Variants in TMEM40 observed in about 807,000 individuals in gnomAD.
TMEM40 encodes transmembrane protein 40.
TMEM40 carries 34 observed loss-of-function variants against 40.8 expected under a neutral mutation model. The observed-to-expected ratio is 0.83, with a 90% CI of 0.63 to 1.11. The LOEUF (loss-of-function observed/expected upper bound fraction) is 1.11. Ranked by LOEUF, TMEM40 falls within the 50% of genes least tolerant of loss-of-function variation. The pLI, the probability that TMEM40 is intolerant of heterozygous loss-of-function variation, is 0.00. For synonymous variants in TMEM40, 106 were observed against 107.0 expected, an observed-to-expected ratio of 0.99 and a Z score of 0.06; for missense variants, 296 against 280.2, an observed-to-expected ratio of 1.06 and a Z score of -0.40.
intron 3 of TMEM40, among the ~76,000 whole-genome samples, chr3:12,747,144 C>T (rs9852557): frequency 0.041 from 6,239 of 152,126 alleles, 439 homozygotes; most frequent in African/African-American, 0.14. Context: ...TGGCTTTGGG[C>T]CTTGGTCTCA....
chr3:12,769,151 CA>C (rs2061610660), intron 1 of TMEM40: 1 of 257,296 alleles, frequency 3.9e-6, no homozygotes, highest in Non-Finnish European at 8.6e-6. Flanking sequence ...GGGGCCTCTC[CA>C]AGTGCGGGGC....
At chr3:12,736,550 G>T (rs373115752) in intron 10 of TMEM40, 28 bp downstream of exon 10, 1 of 1,547,600 alleles carries the variant, frequency 6.5e-7, no homozygotes, top group Non-Finnish European at 8.7e-7. Context: ...GAGACTGTGT[G>T]TGTGTCCATG....
Position 12,753,211 on chromosome 3 carries a change from C to CT in TMEM40, c.-8-3372dup, listed in dbSNP as rs56739791. On this transcript the variant is annotated intron_variant, in intron 1 of 11. Coordinates refer to ENST00000314124, the MANE Select transcript of TMEM40 (RefSeq NM_018306.4). ...GCCTTTTTTCTTTCTTTCTTTCTTTCTTTTTTTTTTTTTTTTTTTTTTTTT... is the reference window on the plus strand; with the variant it reads ...GCCTTTTTTCTTTCTTTCTTTCTTTCTTTTTTTTTTTTTTTTTTTTTTTTTT... Among the ~76,000 whole-genome samples, 717 of 76,256 alleles carry CT rather than the reference C, an allele frequency of 9.4e-3. 17 individuals carry two copies. The highest frequency in any genetic ancestry group is 0.034 in the East Asian group (89 of 2,596). The allele number at this position is 76,256 out of a possible 152,430, so 50.0% of individuals were successfully genotyped here. A position where few individuals can be genotyped will look rare whatever the true frequency, so the allele number is the denominator to read the frequency against.
rs766062566 is a variant in TMEM40, at chr3:12,737,560, G to A, written c.472+147C>T. On this transcript the variant is annotated intron_variant, in intron 8 of 11. Transcript: ENST00000314124. ...GGAACCATTGTCCCACCCTGTTGAG[G>A]TGATTCTGAGCTGAGTAATGTGTAA... is the stretch of plus-strand genomic sequence containing the variant. 1.1e-4 allele frequency: 79 copies of A among 733,688 alleles called. 1 individual carries two copies. Among genetic ancestry groups the A allele is most frequent in the Admixed American group, 2.6e-4 (11 of 41,556 alleles). 45.4% of individuals were successfully genotyped at this position (733,688 alleles called of 1,614,324 possible). A position where few individuals can be genotyped will look rare whatever the true frequency, so the allele number is the denominator to read the frequency against.
intron 1 of TMEM40, among the ~76,000 whole-genome samples, chr3:12,752,000 C>T (rs1452599063): frequency 6.6e-6 from 1 of 152,172 alleles, no homozygotes; most frequent in Non-Finnish European, 1.5e-5. Context: ...CAGGTCAAAA[C>T]CCACTTCCCT....
In TMEM40 at chr3:12,743,944, C is replaced by T. The variant is rs151070915; in HGVS notation, c.257G>A (p.Arg86Gln). ...DQQPRATGKH[R>Q]RSLGAGYPHG... ...GGGGTATCCAGCCCCCAGGCTCCGT[C>T]GATGTTTTCCGGTTGCTCTGGGTTG... is the stretch of plus-strand genomic sequence containing the variant. The change falls in exon 4 of 12, where the codon CGA becomes CAA. Residue 86 changes from arginine (R) to glutamine (Q), a missense_variant. Coordinates refer to ENST00000314124, the MANE Select transcript of TMEM40 (RefSeq NM_018306.4). 1.1e-4 allele frequency: 184 copies of T among 1,613,344 alleles called. No homozygotes were observed. The Middle Eastern group carries it at 1.6e-3, about 14-fold the overall frequency.
chr3:12,740,632 T>C (rs2061374898), intron 5 of TMEM40, among the ~76,000 whole-genome samples: 1 of 148,934 alleles, frequency 6.7e-6, no homozygotes, highest in Non-Finnish European at 1.5e-5. Flanking sequence ...CCGAGGTGGG[T>C]AGATCACTTG....
chr3:12,750,751 G>T lies in TMEM40; in HGVS notation c.-8-911C>A, dbSNP rs187015942. ...GCACGTGCCACTGTGGCCAGCCTCT[G>T]ACTCATTTAAACCATGTTTCTCAGC... On this transcript the variant is annotated intron_variant, in intron 1 of 11. Transcript: ENST00000314124. 1.4e-4 allele frequency among the ~76,000 whole-genome samples: 21 copies of T among 152,274 alleles called. No homozygotes were observed. The East Asian group carries it at 3.9e-3, about 28-fold the overall frequency.
chr3:12,757,169 A>G lies in TMEM40; in HGVS notation c.-9+2022T>C, dbSNP rs183242435. ...AAGACACAGAAATAGTCAATAGCAC[A>G]TAGAAAGATGCTTCACATCACTGGG... On this transcript the variant is annotated intron_variant, in intron 1 of 11. Transcript: ENST00000314124. Among the ~76,000 whole-genome samples the G allele has an allele frequency of 3.3e-5, 5 of 152,312 alleles. No individual in the cohort carries two copies. In the East Asian group the frequency reaches 7.7e-4, roughly 23 times the overall value.
intron 5 of TMEM40, chr3:12,741,294 T>G (rs1344149785): frequency 6.6e-6 from 1 of 152,244 alleles, no homozygotes; most frequent in Non-Finnish European, 1.5e-5. Context: ...GTGACCTTGC[T>G]CCTAGCCTGT....
Position 12,748,763 on chromosome 3 carries a change from C to T in TMEM40, c.103G>A (p.Gly35Arg), listed in dbSNP as rs754379964. ...YGETDFHKQDGKAGLFSQEQY... is the reference protein window; with the variant it reads ...YGETDFHKQDRKAGLFSQEQY... Reference sequence around the variant, plus strand: ...TCTTGGGAAAAGAGTCCAGCCTTCCCATCTTGCTTGTGGAAATCTGTCTCT... The same window carrying T: ...TCTTGGGAAAAGAGTCCAGCCTTCCTATCTTGCTTGTGGAAATCTGTCTCT... Residue 35 changes from glycine (G) to arginine (R), a missense_variant, in exon 3 of 12, where the codon GGG becomes AGG. By Grantham distance (125) the Gly-to-Arg change is moderately radical. Transcript: ENST00000314124. 8.7e-6 allele frequency: 14 copies of T among 1,613,986 alleles called. No homozygotes were observed. Among genetic ancestry groups the T allele is most frequent in the Non-Finnish European group, 1.2e-5 (14 of 1,180,010 alleles).
intron 1 of TMEM40, chr3:12,769,231 C>T (rs1559538305): frequency 2.5e-6 from 1 of 407,894 alleles, no homozygotes; most frequent in Non-Finnish European, 5.0e-6. Flanking sequence ...CGGTTCCCGC[C>T]CGTGCCTTTC....
chr3:12,761,894 T>C (rs13433778), upstream of TMEM40, among the ~76,000 whole-genome samples: 12,209 of 152,210 alleles, frequency 0.08, 663 homozygotes, highest in African/African-American at 0.16. Flanking sequence ...TGTATATATA[T>C]ACAACATATA....
intron 1 of TMEM40, among the ~76,000 whole-genome samples, chr3:12,758,436 A>G (rs1039509310): frequency 1.3e-5 from 2 of 152,234 alleles, no homozygotes; most frequent in Admixed American, 6.5e-5. Context: ...GAGGCCTAAA[A>G]GCCAGGGTGC....
intron 1 of TMEM40, among the ~76,000 whole-genome samples, chr3:12,755,222 TCTC>T (rs2061513633): frequency 2.3e-5 from 2 of 85,688 alleles, no homozygotes; most frequent in Admixed American, 1.1e-4. Flanking sequence ...TTTCTCTCTC[TCTC>T]TCTCTCTCTC....
intron 4 of TMEM40, 34 bp from the exon 5 acceptor site, chr3:12,742,541 C>T (rs777828416): frequency 6.2e-7 from 1 of 1,610,914 alleles, no homozygotes; most frequent in Non-Finnish European, 8.5e-7. Context: ...TCAGCACTCC[C>T]CAAACACAGT....
rs543359174 is a variant in TMEM40 at position 12,734,769 on chromosome 3, T to C, written c.*5A>G. ...CCTGCCTCTGCTGCCCACCTGGAAG[T>C]GGCCTCAGTCAGTCTTCCTGAACCC... On this transcript the variant is annotated 3_prime_UTR_variant, in exon 12 of 12. Transcript: ENST00000314124. The C allele has an allele frequency of 1.9e-5, 30 of 1,597,122 alleles. No homozygotes were observed. In the African/African-American group the frequency reaches 3.5e-4, roughly 19 times the overall value.
At chr3:12,747,417 G>C (rs111458123) in intron 3 of TMEM40, among the ~76,000 whole-genome samples, 1 of 152,090 alleles carries the variant, frequency 6.6e-6, no homozygotes, top group Non-Finnish European at 1.5e-5. Context: ...AATAATAATA[G>C]TACCTTCCTT....
intron 1 of TMEM40, among the ~76,000 whole-genome samples, chr3:12,751,105 G>A (rs1401332109): frequency 1.3e-5 from 2 of 151,754 alleles, no homozygotes; most frequent in Admixed American, 6.6e-5. Context: ...TCTGTAAAAC[G>A]GAGACAGTAA....
Sources: gnomAD v4.1 joint callset for allele counts (sites outside exome capture counted in the v4.1 genomes callset) on GRCh38, gnomAD v4.1.1 for gene constraint, MANE v1.5 for transcripts, NCBI Gene and HGNC (gene_info 2026-07-23, HGNC 2026-07-21) for gene names.